IL17RD: variants seen among roughly 807,000 people sequenced by gnomAD.
IL17RD encodes interleukin-17 receptor D.
Under a neutral mutation model 80.5 loss-of-function variants are expected in IL17RD, and 52 were observed. The ratio of observed to expected loss-of-function variants is 0.65; its 90% CI spans 0.52 to 0.81. The LOEUF is 0.81. Ranked by LOEUF, IL17RD falls within the 40% of genes least tolerant of loss-of-function variation. IL17RD has a pLI of 0.00. For synonymous variants in IL17RD, 416 were observed against 391.8 expected (o/e 1.06, Z -0.73); for missense variants, 1,024 against 955.1 (o/e 1.07, Z -0.95).
chr3:57,116,403 C>T (rs1375620741), intron 2 of IL17RD, among the ~76,000 whole-genome samples: 2 of 151,684 alleles, frequency 1.3e-5, no homozygotes, highest in Admixed American at 6.6e-5. Context: ...CCTGCCTCAG[C>T]CTCCCGAGTA....
At chr3:57,117,721 A>C (rs2107494951) in intron 2 of IL17RD, among the ~76,000 whole-genome samples, 1 of 152,326 alleles carries the variant, frequency 6.6e-6, no homozygotes, top group East Asian at 1.9e-4. Context: ...TGGAAGACAG[A>C]AATATCTTTT....
At chr3:57,118,156 CAAAG>C (rs1707257123) in intron 2 of IL17RD, among the ~76,000 whole-genome samples, 1 of 152,168 alleles carries the variant, frequency 6.6e-6, no homozygotes, top group South Asian at 2.1e-4. Flanking sequence ...CTTTGTAACT[CAAAG>C]AAAGATCCCT....
chr3:57,169,319 C>T, upstream of IL17RD: 5 of 497,698 alleles, frequency 1.0e-5, no homozygotes, highest in Non-Finnish European at 2.0e-5. Flanking sequence ...TCACCTCTGC[C>T]CCCATGCCTA....
At chr3:57,109,798 G>A (rs1415151530) in intron 4 of IL17RD, 141 bp from the exon 5 acceptor site, 2 of 863,024 alleles carry the variant, frequency 2.3e-6, no homozygotes, top group African/African-American at 1.7e-5. Context: ...CAGGAAGTCA[G>A]GTCTAGTTTC....
intron 7 of IL17RD, among the ~76,000 whole-genome samples, chr3:57,105,552 A>AAAAAAAAAAAAAAAAAATATATAT: frequency 3.1e-5 from 2 of 63,590 alleles, no homozygotes; most frequent in Non-Finnish European, 5.6e-5. Flanking sequence ...AAAAAAAAAA[A>AAAAAAAAAAAAAAAAAATATATAT]ATATATATAT....
intron 1 of IL17RD, among the ~76,000 whole-genome samples, chr3:57,138,663 C>CGGT (rs1415532750): frequency 1.1e-4 from 17 of 151,936 alleles, no homozygotes; most frequent in Non-Finnish European, 2.9e-5. Context: ...GGGCCAGGTG[C>CGGT]GGTGGCTCAC....
chr3:57,140,067 T>C (rs1707801012), intron 1 of IL17RD, among the ~76,000 whole-genome samples: 1 of 152,156 alleles, frequency 6.6e-6, no homozygotes, highest in Middle Eastern at 3.2e-3. Flanking sequence ...GTCAGGCTTC[T>C]GCATAAAGAT....
rs1304192154 is a variant in IL17RD, at chr3:57,103,123, G to A, written c.836C>T (p.Thr279Ile). 2 of 1,603,054 alleles carry A rather than the reference G, an allele frequency of 1.2e-6. No individual in the cohort carries two copies. Among genetic ancestry groups the A allele is most frequent in the African/African-American group, 1.3e-5 (1 of 74,794 alleles). ...TAAGGCATAATGCATCACTTTTCTT[G>A]TTGTGTTAGTGTCATCCACCAGCTG... ...IIELVDDTNT[T>I]RKVMHYALKP... The change falls in exon 9 of 13, where the codon ACA becomes ATA. Residue 279 changes from threonine to isoleucine, a missense_variant. Thr to Ile is a moderately conservative substitution (Grantham distance 89). Coordinates refer to ENST00000296318, the MANE Select transcript of IL17RD (RefSeq NM_017563.5).
intron 7 of IL17RD, among the ~76,000 whole-genome samples, chr3:57,105,397 T>C (rs9814254): frequency 0.91 from 137,563 of 150,840 alleles, 63,265 homozygotes; most frequent in African/African-American, 0.98. Flanking sequence ...ATTAGTTGGG[T>C]GTGGTGGCAT....
chr3:57,137,030 T>G (rs1418514017), intron 1 of IL17RD, among the ~76,000 whole-genome samples: 1 of 152,154 alleles, frequency 6.6e-6, no homozygotes, highest in Non-Finnish European at 1.5e-5. Context: ...AGAGGAGGCA[T>G]GTCAAGCTTT....
rs1273339086 is a variant in IL17RD, at chr3:57,094,322, T to A, written c.*2071A>T. 1.3e-5 allele frequency: 2 copies of A among 152,346 alleles called. No homozygotes were observed. Among genetic ancestry groups the A allele is most frequent in the East Asian group, 3.9e-4 (2 of 5,186 alleles). The allele number at this position is 152,346 out of a possible 1,614,324, so 9.4% of individuals were successfully genotyped here. ...CGGTATATTAAGAGTTTGATTTTAT[T>A]GATCAGAAACATTAGTATTTCAACA... is the stretch of plus-strand genomic sequence containing the variant. On this transcript the variant is annotated 3_prime_UTR_variant, in exon 13 of 13. Coordinates refer to ENST00000296318, the MANE Select transcript of IL17RD (RefSeq NM_017563.5).
intron 7 of IL17RD, among the ~76,000 whole-genome samples, chr3:57,104,829 A>T (rs1276615480): frequency 3.9e-5 from 6 of 152,216 alleles, no homozygotes; most frequent in Non-Finnish European, 8.8e-5. Flanking sequence ...GCAAACTATG[A>T]CAGAACCTGA....
chr3:57,141,389 G>A (rs1279600611), intron 1 of IL17RD, among the ~76,000 whole-genome samples: 2 of 152,052 alleles, frequency 1.3e-5, no homozygotes, highest in Admixed American at 1.3e-4. Context: ...TTGACACTGA[G>A]GACTTATTTT....
intron 1 of IL17RD, among the ~76,000 whole-genome samples, chr3:57,137,256 C>A (rs143833488): frequency 1.7e-4 from 26 of 152,324 alleles, no homozygotes; most frequent in Admixed American, 3.3e-4. Context: ...GTGTTAGACA[C>A]CCCCAACTGG....
rs1245543753 is a variant in IL17RD, at chr3:57,102,474, GAT to G, written c.979+3_979+4del. 6.6e-7 allele frequency: 1 copy of G among 1,504,988 alleles called. No individual in the cohort carries two copies. The allele number at this position is 1,504,988 out of a possible 1,614,324, so 93.2% of individuals were successfully genotyped here. On this transcript the variant is annotated splice_donor_region_variant and intron_variant, in intron 10 of 12. Coordinates refer to ENST00000296318, the MANE Select transcript of IL17RD (RefSeq NM_017563.5). Reference sequence around the variant, plus strand: ...TGTGGGGAGACACAGCACACAAAGAGATACCTTGTTGCTTCTTGCGGCACATC... The same window carrying G: ...TGTGGGGAGACACAGCACACAAAGAGACCTTGTTGCTTCTTGCGGCACATC...
chr3:57,159,691 G>A (rs2060291044), intron 1 of IL17RD, among the ~76,000 whole-genome samples: 1 of 152,112 alleles, frequency 6.6e-6, no homozygotes, highest in African/African-American at 2.4e-5. Context: ...GAGTAGATGG[G>A]AAATGGAAAA....
Position 57,097,579 on chromosome 3 carries a change from C to A in IL17RD, c.2107+17G>T, listed in dbSNP as rs1038830057. ...AAGGCTGCGGCCTGTTAGGACCCGG[C>A]CCCAAAGGCACCTTACCCAGGCCTG... On this transcript the variant is annotated intron_variant, in intron 12 of 12. Coordinates refer to ENST00000296318, the MANE Select transcript of IL17RD (RefSeq NM_017563.5). 6.4e-7 allele frequency: 1 copy of A among 1,553,148 alleles called. No homozygotes were observed. The highest frequency in any genetic ancestry group is 1.9e-5 in the Admixed American group (1 of 51,764).
At chr3:57,099,442 T>C (rs529477544) in intron 11 of IL17RD, among the ~76,000 whole-genome samples, 1 of 152,348 alleles carries the variant, frequency 6.6e-6, no homozygotes, top group East Asian at 1.9e-4. Flanking sequence ...GGTTATTGTG[T>C]TGATGTCTTT....
At chr3:57,167,479 G>A (rs1055500795), upstream of IL17RD, among the ~76,000 whole-genome samples, 9 of 152,176 alleles carry the variant, frequency 5.9e-5, no homozygotes, top group African/African-American at 2.2e-4. Flanking sequence ...AGGGGTGCCA[G>A]GGGCTGAGAT....
Sources: allele counts gnomAD v4.1 joint callset (sites outside exome capture counted in the v4.1 genomes callset), GRCh38; gene constraint gnomAD v4.1.1; transcripts MANE v1.5; gene names NCBI Gene and HGNC (gene_info 2026-07-23, HGNC 2026-07-21).